BCOR: variants seen among roughly 807,000 people sequenced by gnomAD.
BCOR encodes BCL6 corepressor, also known as BCL-6 corepressor.
In BCOR, 10 loss-of-function variants were observed where a neutral mutation model predicts 86.7. The ratio of observed to expected loss-of-function variants is 0.12; its 90% confidence interval spans 0.07 to 0.20. BCOR has a LOEUF of 0.20. Ranked by LOEUF, BCOR falls within the 10% of genes least tolerant of loss-of-function variation. BCOR has a pLI of 1.00. For missense variants in BCOR, 1,259 were observed against 1,452.1 expected (o/e 0.87, Z 2.16); for synonymous variants, 611 against 609.0 (o/e 1.00, Z -0.05).
At chrX:40,058,127 T>C (rs1354682316) in intron 10 of BCOR, among the ~76,000 whole-genome samples, 1 of 112,416 alleles carries the variant, frequency 8.9e-6, no homozygotes, top group Non-Finnish European at 1.9e-5. Flanking sequence ...AGACAATCCT[T>C]CCCTTCCCCC....
intron 1 of BCOR, among the ~76,000 whole-genome samples, chrX:40,113,605 A>C (rs1167479672): frequency 9.1e-6 from 1 of 110,376 alleles, no homozygotes; most frequent in Non-Finnish European, 1.9e-5. Flanking sequence ...TCCCTCAGCA[A>C]GACCGTATCG....
rs2147217290 is a variant in BCOR at position 40,072,987 on chromosome X, G to C, written c.2359C>G (p.Pro787Ala). The C allele has an allele frequency of 2.5e-6, 3 of 1,212,157 alleles. No homozygotes were observed. Among genetic ancestry groups the C allele is most frequent in the South Asian group, 1.8e-5 (1 of 57,003 alleles). Residue 787 changes from proline (P) to alanine (A), a missense_variant, in exon 4 of 15, where the codon CCG (proline) becomes GCG (alanine). Physicochemically the swap from Pro to Ala is conservative, Grantham distance 27. Around this residue, in one of 7 missense-constraint regions of BCOR, gnomAD observed 534 missense variants for 594.8 expected, o/e 0.90. Transcript: ENST00000378444. ...TTCCCTTGATTCCAGTTGGGGTTCG[G>C]CTTTAGGTTCTTGTCGGTGGGGACA... ...PDVPTDKNLKPNPNWNQGKTV... is the reference protein window; with the variant it reads ...PDVPTDKNLKANPNWNQGKTV...
intron 1 of BCOR, among the ~76,000 whole-genome samples, chrX:40,130,490 G>A (rs1178723370): frequency 8.9e-6 from 1 of 112,388 alleles, no homozygotes; most frequent in Non-Finnish European, 1.9e-5. Context: ...CCCTTGGCTA[G>A]GTGTGGGGCA....
Position 40,064,377 on chromosome X carries a change from T to C in BCOR, c.3461A>G (p.Glu1154Gly). 2 of 1,212,378 alleles carry C rather than the reference T, an allele frequency of 1.6e-6. No homozygotes were observed. Among genetic ancestry groups the C allele is most frequent in the Non-Finnish European group, 2.2e-6 (2 of 895,601 alleles). The change falls in exon 7 of 15, where the codon GAG becomes GGG. Residue 1154 changes from glutamate to glycine, a missense_variant. Transcript: ENST00000378444. ...HTETTAEEVPEDPLLKAKRRR... is the reference protein window; with the variant it reads ...HTETTAEEVPGDPLLKAKRRR... The stretch of plus-strand genomic sequence containing the variant: ...GCGTTTGGCTTTCAGCAGAGGGTCC[T>C]CTGGCACCTCCTCCGCAGTGGTCTC...
chrX:40,157,880 C>A (rs1429263761), intron 1 of BCOR, among the ~76,000 whole-genome samples: 1 of 112,229 alleles, frequency 8.9e-6, no homozygotes, highest in Non-Finnish European at 1.9e-5. Context: ...TATTCTGTAG[C>A]CTTTACTGCC....
At chrX:40,174,158 A>C (rs1423928369) in intron 1 of BCOR, among the ~76,000 whole-genome samples, 1 of 112,750 alleles carries the variant, frequency 8.9e-6, no homozygotes, top group African/African-American at 3.2e-5. Context: ...CTTTGCCTTA[A>C]GTGGCTACCG....
intron 1 of BCOR, among the ~76,000 whole-genome samples, chrX:40,144,331 A>G (rs1476514688): frequency 8.9e-6 from 1 of 112,090 alleles, no homozygotes; most frequent in African/African-American, 3.3e-5. Context: ...TAGAAATTGT[A>G]TCTGCTTCAC....
intron 1 of BCOR, among the ~76,000 whole-genome samples, chrX:40,154,964 GCACA>G (rs746936819): frequency 1.8e-5 from 2 of 111,219 alleles, no homozygotes; most frequent in African/African-American, 6.5e-5. Flanking sequence ...GGACACGCGC[GCACA>G]CACACACACG....
intron 1 of BCOR, among the ~76,000 whole-genome samples, chrX:40,146,049 C>T: frequency 8.9e-6 from 1 of 112,347 alleles, no homozygotes; most frequent in African/African-American, 3.2e-5. Context: ...TAAGGGGAAG[C>T]GTAGGAACAA....
chrX:40,111,794 C>T (rs781644413), intron 1 of BCOR, among the ~76,000 whole-genome samples: 6 of 111,691 alleles, frequency 5.4e-5, no homozygotes, highest in Admixed American at 9.5e-5. Context: ...TGCATGTCCT[C>T]TGGTCTACTT....
chrX:40,096,417 G>A (rs1377514135), intron 1 of BCOR, among the ~76,000 whole-genome samples: 1 of 112,581 alleles, frequency 8.9e-6, no homozygotes, highest in African/African-American at 3.2e-5. Flanking sequence ...GGGGATCGCA[G>A]ATTATAATCT....
chrX:40,055,281 A>T, intron 12 of BCOR, 87 bp downstream of exon 12: 15 of 961,119 alleles, frequency 1.6e-5, no homozygotes, highest in Non-Finnish European at 2.2e-5. Flanking sequence ...AGCCTTTGTG[A>T]TTTCTGCCTA....
At chrX:40,104,747 G>A (rs1252191340) in intron 1 of BCOR, among the ~76,000 whole-genome samples, 1 of 113,140 alleles carries the variant, frequency 8.8e-6, no homozygotes, top group Non-Finnish European at 1.9e-5. Flanking sequence ...AGCTGAAACC[G>A]CCCAGCGGGG....
intron 12 of BCOR, 141 bp from the exon 13 acceptor site, chrX:40,054,474 A>G: frequency 3.9e-6 from 2 of 508,244 alleles, no homozygotes; most frequent in Non-Finnish European, 6.9e-6. Context: ...TCAGCAAAAT[A>G]AAGTAGCATT....
At chrX:40,078,948 G>A (rs969391484) in intron 1 of BCOR, among the ~76,000 whole-genome samples, 3 of 110,619 alleles carry the variant, frequency 2.7e-5, no homozygotes, top group South Asian at 3.8e-4. Flanking sequence ...ATTTATCCTC[G>A]TGCAGGATTT....
chrX:40,103,656 T>TC (rs59643203), intron 1 of BCOR, among the ~76,000 whole-genome samples: 19,427 of 111,102 alleles, frequency 0.17, 3,352 homozygotes, highest in African/African-American at 0.53. Flanking sequence ...CACCCTTGCT[T>TC]CCCCCGGGAG....
chrX:40,091,021 T>A (rs1936587736), intron 1 of BCOR, among the ~76,000 whole-genome samples: 1 of 111,253 alleles, frequency 9.0e-6, no homozygotes, highest in African/African-American at 3.3e-5. Context: ...CCTCCCCACA[T>A]GAAATCACAA....
chrX:40,106,867 C>T (rs1197074285), intron 1 of BCOR, among the ~76,000 whole-genome samples: 1 of 110,865 alleles, frequency 9.0e-6, no homozygotes, highest in African/African-American at 3.3e-5. Context: ...CCCACTCCCC[C>T]TCCCCAACAC....
intron 1 of BCOR, among the ~76,000 whole-genome samples, chrX:40,121,463 G>A (rs896152141): frequency 4.4e-5 from 5 of 112,782 alleles, no homozygotes; most frequent in Non-Finnish European, 9.4e-5. Context: ...GCCATCTAGC[G>A]TTAAGGCTAT....
Sources: gnomAD v4.1 joint callset for allele counts (sites outside exome capture counted in the v4.1 genomes callset) on GRCh38, gnomAD v4.1.1 for gene constraint, gnomAD v4.1.1 regional missense constraint, MANE v1.5 for transcripts, NCBI Gene and HGNC (gene_info 2026-07-23, HGNC 2026-07-21) for gene names.